Variants in LPIN1 observed in about 807,000 individuals in gnomAD.
LPIN1 encodes phosphatidate phosphatase LPIN1.
In LPIN1, 71 loss-of-function variants were observed where a neutral mutation model predicts 107.5. The ratio of observed to expected loss-of-function variants is 0.66; its 90% CI spans 0.55 to 0.80. The LOEUF is 0.80. Among genes scored for constraint, LPIN1 ranks in the 30% least tolerant of loss-of-function variants. LPIN1 has a pLI of 0.00. For missense variants in LPIN1, 1,043 were observed against 1,160.6 expected, an observed-to-expected ratio of 0.90 and a Z score of 1.47; for synonymous variants, 445 against 452.6, an observed-to-expected ratio of 0.98 and a Z score of 0.21.
chr2:11,710,285 C>T (rs1054754654), intron 1 of LPIN1, among the ~76,000 whole-genome samples: 3 of 151,844 alleles, frequency 2.0e-5, no homozygotes, highest in Non-Finnish European at 4.4e-5. Context: ...TGGGTGGGGA[C>T]ACAAATATTT....
chr2:11,747,493 A>T (rs1667141649), intron 1 of LPIN1, among the ~76,000 whole-genome samples: 1 of 152,232 alleles, frequency 6.6e-6, no homozygotes, highest in South Asian at 2.1e-4. Context: ...CAACTAAGAC[A>T]ACTGGCAGTA....
At chr2:11,759,748 A>T (rs1669356399) in intron 1 of LPIN1, among the ~76,000 whole-genome samples, 4 of 148,100 alleles carry the variant, frequency 2.7e-5, no homozygotes, top group Non-Finnish European at 6.0e-5. Flanking sequence ...CACTTCCCAG[A>T]AGGGGCGGCT....
chr2:11,693,959 C>T (rs1045844770), intron 1 of LPIN1, among the ~76,000 whole-genome samples: 9 of 149,098 alleles, frequency 6.0e-5, no homozygotes, highest in Non-Finnish European at 1.2e-4. Context: ...CTCAGCCTCC[C>T]GAATAGCTGG....
At chr2:11,777,020 A>G (rs564294811) in intron 6 of LPIN1, among the ~76,000 whole-genome samples, 8 of 152,362 alleles carry the variant, frequency 5.3e-5, no homozygotes, top group Admixed American at 3.3e-4. Flanking sequence ...CCTTATTGGG[A>G]CTGGCAAAAA....
chr2:11,805,357 T>C, intron 17 of LPIN1: 1 of 627,650 alleles, frequency 1.6e-6, no homozygotes, highest in Non-Finnish European at 2.9e-6. Flanking sequence ...TTGAATTCAA[T>C]ACCAAGAAAC....
At chr2:11,808,540 C>T (rs973180227) in intron 17 of LPIN1, among the ~76,000 whole-genome samples, 3 of 152,060 alleles carry the variant, frequency 2.0e-5, no homozygotes, top group East Asian at 1.9e-4. Context: ...AATTTGGGTA[C>T]GACTTACATT....
chr2:11,787,766 C>A (rs932530972), intron 11 of LPIN1, among the ~76,000 whole-genome samples: 3 of 151,916 alleles, frequency 2.0e-5, no homozygotes, highest in Admixed American at 6.6e-5. Context: ...ACGGTGAAAC[C>A]CCGTCTCTAC....
intron 17 of LPIN1, 86 bp from the exon 18 acceptor site, chr2:11,815,002 A>T (rs1680326973): frequency 1.5e-6 from 2 of 1,309,492 alleles, no homozygotes; most frequent in South Asian, 2.4e-5. Flanking sequence ...GCCATTCTCC[A>T]CAGAACAGAT....
intron 10 of LPIN1, among the ~76,000 whole-genome samples, chr2:11,785,664 C>T (rs2148662549): frequency 6.6e-6 from 1 of 152,238 alleles, no homozygotes; most frequent in South Asian, 2.1e-4. Flanking sequence ...CCCTCTCTCA[C>T]CACTGCCTCT....
At chr2:11,720,987 C>G (rs924848936), upstream of LPIN1, among the ~76,000 whole-genome samples, 4 of 152,044 alleles carry the variant, frequency 2.6e-5, no homozygotes, top group Non-Finnish European at 5.9e-5. Flanking sequence ...TCCCTCTCTT[C>G]CATTTGAGAT....
At chr2:11,733,005 G>T (rs1665406077) in intron 1 of LPIN1, among the ~76,000 whole-genome samples, 1 of 151,652 alleles carries the variant, frequency 6.6e-6, no homozygotes, top group South Asian at 2.1e-4. Context: ...TGGAAGGAAA[G>T]TCATGGGGGA....
At chr2:11,784,038 C>T (rs1298626006) in intron 9 of LPIN1, 116 bp downstream of exon 9, 1 of 1,558,560 alleles carries the variant, frequency 6.4e-7, no homozygotes. Context: ...GGCGCGGTGG[C>T]TCACGCCTGT....
intron 1 of LPIN1, among the ~76,000 whole-genome samples, chr2:11,705,026 G>T (rs1438104330): frequency 6.6e-6 from 1 of 152,220 alleles, no homozygotes; most frequent in Non-Finnish European, 1.5e-5. Flanking sequence ...CCACAGGATT[G>T]ATCAGACAAA....
intron 1 of LPIN1, among the ~76,000 whole-genome samples, chr2:11,708,668 G>T (rs60118851): frequency 9.9e-5 from 15 of 151,974 alleles, no homozygotes. Context: ...TGGCCAGTTA[G>T]GTACCCTTGC....
chr2:11,715,490 C>A (rs1663675945), intron 2 of LPIN1, among the ~76,000 whole-genome samples: 1 of 152,218 alleles, frequency 6.6e-6, no homozygotes, highest in South Asian at 2.1e-4. Context: ...CATGGCTCTG[C>A]CACTTACAGC....
In LPIN1 at chr2:11,795,519, G is replaced by C. The variant is rs377625920; in HGVS notation, c.1886+32G>C. On this transcript the variant is annotated intron_variant, in intron 14 of 20. Transcript: ENST00000674199. ...TAGGAGGCTTCTTGGGATGTTTGCA[G>C]CCCCTTTCCGCATCCAAGTTCATGG... is the stretch of plus-strand genomic sequence containing the variant. 1.1e-4 allele frequency: 173 copies of C among 1,583,694 alleles called. No individual in the cohort carries two copies. The East Asian group carries it at 2.6e-3, about 24-fold the overall frequency.
Position 11,765,351 on chromosome 2 carries a change from C to T in LPIN1, c.-9-182C>T, listed in dbSNP as rs1489592604. Reference sequence around the variant, plus strand: ...TGGACACTGATGGGCCGTGATGGGCCCTGATGGGCCCTGATGGACCCTGAT... The same window carrying T: ...TGGACACTGATGGGCCGTGATGGGCTCTGATGGGCCCTGATGGACCCTGAT... On this transcript the variant is annotated intron_variant, in intron 1 of 20. Transcript: ENST00000674199. This position sits in a 1 kb window ranked among gnomAD's most constrained non-coding sequence, Gnocchi z 4.4. Among the ~76,000 whole-genome samples the T allele has an allele frequency of 6.6e-6, 1 of 152,088 alleles. No individual in the cohort carries two copies. The highest frequency in any genetic ancestry group is 1.9e-4 in the East Asian group (1 of 5,168).
chr2:11,768,595 C>A (rs911659425), intron 3 of LPIN1, among the ~76,000 whole-genome samples: 4 of 152,050 alleles, frequency 2.6e-5, no homozygotes, highest in African/African-American at 9.7e-5. Context: ...GAATAGTATT[C>A]CATTGTATCT....
At chr2:11,763,269 C>T (rs911792799) in intron 1 of LPIN1, 1 of 152,638 alleles carries the variant, frequency 6.6e-6, no homozygotes. Context: ...CTGCCATGAC[C>T]CAGTCCAGGG....
Sources: gnomAD v4.1 joint callset for allele counts (sites outside exome capture counted in the v4.1 genomes callset) on GRCh38, gnomAD v4.1.1 for gene constraint, Gnocchi (gnomAD v3.1) non-coding constraint, MANE v1.5 for transcripts, NCBI Gene and HGNC (gene_info 2026-07-23, HGNC 2026-07-21) for gene names.